The following NUP98 variants were observed in gnomAD, a reference collection of about 807,000 sequenced individuals.
The protein encoded by NUP98 is nuclear pore complex protein Nup98-Nup96.
Under a neutral mutation model 191.9 loss-of-function variants are expected in NUP98, and 26 were observed. That is an observed-to-expected ratio of 0.14 (90% confidence interval 0.10 to 0.19). The LOEUF is 0.19. Ranked by LOEUF, NUP98 falls within the 10% of genes least tolerant of loss-of-function variation. The probability of loss-of-function intolerance (pLI) is 1.00; values close to 1 mark genes in which losing one functional copy is unlikely to be tolerated. For synonymous variants in NUP98, 808 were observed against 778.4 expected, an observed-to-expected ratio of 1.04 and a Z score of -0.63; for missense variants, 1,941 against 2,178.8, an observed-to-expected ratio of 0.89 and a Z score of 2.17.
rs770334499 is a variant in NUP98, at chr11:3,779,122, A to G, written c.178+34T>C. ...TAAGTCAATTCCTATACTAGCTACA[A>G]ACAAACCAGTTATATCACAAATAAA... is the stretch of plus-strand genomic sequence containing the variant. On this transcript the variant is annotated intron_variant, in intron 3 of 32. Coordinates refer to ENST00000324932, the MANE Select transcript of NUP98 (RefSeq NM_016320.5). The G allele has an allele frequency of 5.0e-6, 8 of 1,613,384 alleles. No homozygotes were observed. In the Admixed American group the frequency reaches 1.2e-4, roughly 24 times the overall value.
intron 28 of NUP98, among the ~76,000 whole-genome samples, chr11:3,687,035 T>G (rs1361947835): frequency 1.3e-5 from 2 of 152,240 alleles, no homozygotes; most frequent in East Asian, 3.9e-4. Flanking sequence ...GCTCATGCGA[T>G]CCTCTCACTT....
At position 3,676,189 on chromosome 11, in the gene NUP98, A is replaced by G. The variant is rs114348336; in HGVS notation, c.5373T>C (p.Tyr1791=). Residue 1791 remains tyrosine (Y), a synonymous_variant, in exon 33 of 33, where the codon TAT becomes TAC. Coordinates refer to ENST00000324932, the MANE Select transcript of NUP98 (RefSeq NM_016320.5). ...MDELRSLTQS[Y]LRELAVGSL is the part of the protein sequence containing the mutation. The stretch of plus-strand genomic sequence containing the variant: ...GGCTCCCAACAGCCAGTTCTCGCAG[A>G]TAGGACTGGGTAAGGCTGCGCAGTT... The G allele has an allele frequency of 6.0e-4, 971 of 1,614,140 alleles. 7 individuals carry two copies. In the African/African-American group the frequency reaches 0.012, roughly 20 times the overall value.
rs555703573 is a variant in NUP98, at chr11:3,693,365, A to G, written c.4178T>C (p.Leu1393Pro). 9.3e-6 allele frequency: 15 copies of G among 1,614,172 alleles called. No homozygotes were observed. Among genetic ancestry groups the G allele is most frequent in the East Asian group, 2.2e-5 (1 of 44,890 alleles). Residue 1393 changes from leucine (L) to proline (P), a missense_variant, in exon 27 of 33, where the codon CTC becomes CCC. By Grantham distance (98) the Leu-to-Pro change is moderately conservative. This residue lies in a region of NUP98 where 1,030 missense variants were observed against 1,115.8 expected (regional missense o/e 0.92). Transcript: ENST00000324932. Reference sequence around the variant, plus strand: ...CACGTTTATTTGCTTCTTTTCTGAGAGCTGCCACACCTGTGCGAAACAAAA... The same window carrying G: ...CACGTTTATTTGCTTCTTTTCTGAGGGCTGCCACACCTGTGCGAAACAAAA... Reference protein sequence around the residue: ...ALLAGKPVWQLSEKKQINVCS... With the variant: ...ALLAGKPVWQPSEKKQINVCS...
intron 6 of NUP98, among the ~76,000 whole-genome samples, chr11:3,772,246 T>C (rs2081554388): frequency 6.6e-6 from 1 of 152,008 alleles, no homozygotes; most frequent in South Asian, 2.1e-4. Context: ...AATATAAAAA[T>C]AAAATAAAAA....
intron 20 of NUP98, chr11:3,711,785 C>T: frequency 1.1e-6 from 1 of 878,820 alleles, no homozygotes; most frequent in African/African-American, 1.8e-5. Context: ...TTATCATACC[C>T]TCCCCTCCCC....
At chr11:3,779,902 C>T (rs1391969341) in intron 2 of NUP98, among the ~76,000 whole-genome samples, 2 of 151,804 alleles carry the variant, frequency 1.3e-5, no homozygotes, top group Admixed American at 6.6e-5. Flanking sequence ...CCGAGGTGGG[C>T]GAATCATTTG....
chr11:3,719,287 G>C (rs2079304441), intron 18 of NUP98, 125 bp downstream of exon 18: 2 of 634,454 alleles, frequency 3.2e-6, no homozygotes, highest in East Asian at 3.1e-5. Context: ...TCAAAGTAGA[G>C]ACAATAAATG....
At chr11:3,789,721 T>C (rs1264422014) in intron 1 of NUP98, among the ~76,000 whole-genome samples, 1 of 152,014 alleles carries the variant, frequency 6.6e-6, no homozygotes, top group Non-Finnish European at 1.5e-5. Flanking sequence ...TCTTCCTGCT[T>C]TGGCCTCCTA....
At chr11:3,743,828 C>A (rs1001768109) in intron 12 of NUP98, among the ~76,000 whole-genome samples, 2 of 151,330 alleles carry the variant, frequency 1.3e-5, no homozygotes. Flanking sequence ...CCGAGGTGGG[C>A]GGATCACGAG....
intron 16 of NUP98, 146 bp from the exon 17 acceptor site, chr11:3,720,971 T>TGGGG: frequency 1.9e-6 from 1 of 515,500 alleles, no homozygotes; most frequent in Non-Finnish European, 3.3e-6. Flanking sequence ...AGAAGGGGTG[T>TGGGG]GTGAGTGTGT....
chr11:3,768,719 T>G lies in NUP98; in HGVS notation c.810A>C (p.Pro270=). 6.3e-7 allele frequency: 1 copy of G among 1,589,932 alleles called. No homozygotes were observed. Among genetic ancestry groups the G allele is most frequent in the Non-Finnish European group, 8.5e-7 (1 of 1,169,764 alleles). ...GTSTTGFGTN[P]GGLFGQQNQQ... ...GATTCTGTTGGCCAAAGAGACCACC[T>G]GGATTTGTTCCAAATCCAGTTGTAC... Residue 270 remains proline (P), a synonymous_variant, in exon 8 of 33, where the codon CCA becomes CCC. Coordinates refer to ENST00000324932, the MANE Select transcript of NUP98 (RefSeq NM_016320.5).
chr11:3,768,775 A>G, intron 7 of NUP98, 31 bp from the exon 8 acceptor site: 1 of 1,488,080 alleles, frequency 6.7e-7, no homozygotes, highest in South Asian at 1.4e-5. Flanking sequence ...AAAAGAAAAA[A>G]GAAATAATAA....
At chr11:3,705,399 C>T in intron 21 of NUP98, 43 bp from the exon 22 acceptor site, 1 of 1,592,778 alleles carries the variant, frequency 6.3e-7, no homozygotes, top group Non-Finnish European at 8.6e-7. Context: ...TTCCCAGAAT[C>T]AAAAGGCCAT....
Position 3,675,553 on chromosome 11 carries a change from A to G in NUP98, c.*606T>C. 1 of 234,194 alleles carries G rather than the reference A, an allele frequency of 4.3e-6. No individual in the cohort carries two copies. The highest frequency in any genetic ancestry group is 8.5e-6 in the Non-Finnish European group (1 of 118,238). The allele number at this position is 234,194 out of a possible 1,614,324, so 14.5% of individuals were successfully genotyped here. A position where few individuals can be genotyped will look rare whatever the true frequency, so the allele number is the denominator to read the frequency against. The stretch of plus-strand genomic sequence containing the variant: ...TGGAACTCTAAAGGCAGGAACAAAA[A>G]CAGCCCTGAAGATCAATCCCTCCGT... On this transcript the variant is annotated 3_prime_UTR_variant, in exon 33 of 33. Transcript: ENST00000324932.
At position 3,702,667 on chromosome 11, in the gene NUP98, C is replaced by G. The variant is rs150762999; in HGVS notation, c.3308G>C (p.Arg1103Pro). 2.5e-6 allele frequency: 4 copies of G among 1,614,122 alleles called. No individual in the cohort carries two copies. The South Asian group carries it at 4.4e-5, about 18-fold the overall frequency. Residue 1103 changes from arginine (R) to proline (P), a missense_variant, in exon 23 of 33, where the codon CGT (arginine) becomes CCT (proline). Around this residue, in one of 6 missense-constraint regions of NUP98, gnomAD observed 1,030 missense variants for 1,115.8 expected, o/e 0.92. Coordinates refer to ENST00000324932, the MANE Select transcript of NUP98 (RefSeq NM_016320.5). Reference sequence around the variant, plus strand: ...CTTGCCATAGGTGACAGACTTTTCACGAGGGACTAGGCCTAGTTGCCTACG... The same window carrying G: ...CTTGCCATAGGTGACAGACTTTTCAGGAGGGACTAGGCCTAGTTGCCTACG... ...GTRRQLGLVP[R>P]EKSVTYGKGK...
intron 1 of NUP98, among the ~76,000 whole-genome samples, chr11:3,785,460 T>C (rs1298654753): frequency 6.6e-6 from 1 of 152,184 alleles, no homozygotes; most frequent in African/African-American, 2.4e-5. Flanking sequence ...CTTTACTTCC[T>C]CTATTAACAA....
intron 1 of NUP98, among the ~76,000 whole-genome samples, chr11:3,793,460 C>G (rs75421435): frequency 0.089 from 13,429 of 151,634 alleles, 746 homozygotes; most frequent in African/African-American, 0.14. Flanking sequence ...ACTAATTTTT[C>G]TATTTTTAGT....
At chr11:3,698,537 G>A (rs1043989742) in intron 25 of NUP98, among the ~76,000 whole-genome samples, 7 of 151,690 alleles carry the variant, frequency 4.6e-5, no homozygotes, top group African/African-American at 1.7e-4. Context: ...AGACCAGCCT[G>A]ACCAACATGG....
chr11:3,768,106 A>G (rs1185921690), intron 8 of NUP98, among the ~76,000 whole-genome samples: 2 of 152,142 alleles, frequency 1.3e-5, no homozygotes, highest in Admixed American at 1.3e-4. Context: ...CCAGGCTAGA[A>G]TCTAGGTCTT....
Sources: gnomAD v4.1 joint callset for allele counts (sites outside exome capture counted in the v4.1 genomes callset) on GRCh38, gnomAD v4.1.1 for gene constraint, gnomAD v4.1.1 regional missense constraint, MANE v1.5 for transcripts, NCBI Gene and HGNC (gene_info 2026-07-23, HGNC 2026-07-21) for gene names.